The following USP15 variants were observed in gnomAD, a reference collection of about 807,000 sequenced individuals.
USP15 encodes the protein ubiquitin carboxyl-terminal hydrolase 15.
Under a neutral mutation model 127.1 loss-of-function variants are expected in USP15, and 18 were observed. The ratio of observed to expected loss-of-function variants is 0.14; its 90% CI spans 0.10 to 0.21. The LOEUF (loss-of-function observed/expected upper bound fraction) is 0.21. Ranked by LOEUF, USP15 falls within the 10% of genes least tolerant of loss-of-function variation. The pLI is 1.00. For missense variants in USP15, 805 were observed against 1,159.9 expected (o/e 0.69, Z 4.44); for synonymous variants, 364 against 393.7 (o/e 0.92, Z 0.89).
chr12:62,373,625 C>T (rs960169821), intron 8 of USP15, among the ~76,000 whole-genome samples: 11 of 151,422 alleles, frequency 7.3e-5, no homozygotes, highest in African/African-American at 9.7e-5. Context: ...TCTTCACTGA[C>T]GGGGGAAAAA....
At chr12:62,286,533 A>G (rs1387060105) in intron 1 of USP15, among the ~76,000 whole-genome samples, 1 of 152,210 alleles carries the variant, frequency 6.6e-6, no homozygotes, top group Non-Finnish European at 1.5e-5. Context: ...TAGAAAATAA[A>G]TCATTCTACC....
intron 1 of USP15, among the ~76,000 whole-genome samples, chr12:62,286,250 TACAG>T (rs1021973068): frequency 1.6e-4 from 24 of 151,954 alleles, no homozygotes; most frequent in African/African-American, 5.3e-4. Flanking sequence ...AAAGAACACA[TACAG>T]ACAGCCAGCA....
chr12:62,311,347 G>A (rs1261396157), intron 3 of USP15, among the ~76,000 whole-genome samples: 1 of 151,854 alleles, frequency 6.6e-6, no homozygotes, highest in East Asian at 1.9e-4. Flanking sequence ...AGATGTAGGA[G>A]AAGGAGTAGG....
At chr12:62,318,797 C>G (rs959630496) in intron 4 of USP15, among the ~76,000 whole-genome samples, 5 of 152,144 alleles carry the variant, frequency 3.3e-5, no homozygotes, top group African/African-American at 1.2e-4. Context: ...CTCCATAATT[C>G]CCACTTCTGC....
In USP15 at chr12:62,260,489, G is replaced by A. The variant is rs756547237; in HGVS notation, c.75G>A (p.Arg25=). Residue 25 remains arginine (R), a synonymous_variant, in exon 1 of 22, where the codon CGG becomes CGA. Coordinates refer to ENST00000280377, the MANE Select transcript of USP15 (RefSeq NM_001252078.2). ...DIATLLKTSL[R]KGDTWYLVDS... ...CGACGCTGCTCAAAACCTCGCTCCG[G>A]AAAGGGGACACCTGGTAAGAGAAAG... 6.4e-7 allele frequency: 1 copy of A among 1,551,498 alleles called. No individual in the cohort carries two copies. Among genetic ancestry groups the A allele is most frequent in the South Asian group, 1.2e-5 (1 of 84,068 alleles).
chr12:62,299,773 C>T (rs914746630), intron 2 of USP15, among the ~76,000 whole-genome samples: 1 of 152,184 alleles, frequency 6.6e-6, no homozygotes, highest in Non-Finnish European at 1.5e-5. Flanking sequence ...CATCCTTTTA[C>T]ATCATTGCTG....
In USP15 at chr12:62,294,241, A is replaced by G. The variant is rs1410450051; in HGVS notation, c.152A>G (p.Asp51Gly). The change falls in exon 2 of 22, where the codon GAC (aspartate) becomes GGC (glycine). Residue 51 changes from aspartate (D) to glycine (G), a missense_variant. By Grantham distance (94) the Asp-to-Gly change is moderately conservative (BLOSUM62 -1). Transcript: ENST00000280377. Reference protein sequence around the residue: ...WKKYVGFDSWDKYQMGDQNVY... With the variant: ...WKKYVGFDSWGKYQMGDQNVY... ...AAATATGTTGGCTTTGACAGTTGGG[A>G]CAAATACCAGATGGGAGATCAAAAT... 6.2e-7 allele frequency: 1 copy of G among 1,613,686 alleles called. No individual in the cohort carries two copies.
intron 1 of USP15, among the ~76,000 whole-genome samples, chr12:62,284,626 G>A (rs1234559000): frequency 1.3e-5 from 2 of 152,000 alleles, no homozygotes; most frequent in Admixed American, 6.6e-5. Context: ...AAAAAGCTTT[G>A]TTACCTGTAG....
At chr12:62,342,735 A>T (rs951839281) in intron 6 of USP15, among the ~76,000 whole-genome samples, 8 of 152,170 alleles carry the variant, frequency 5.3e-5, no homozygotes, top group African/African-American at 1.4e-4. Context: ...TGGAGGCTGC[A>T]GAACAGCAAA....
chr12:62,263,925 G>A (rs1387979188), intron 1 of USP15, among the ~76,000 whole-genome samples: 4 of 152,258 alleles, frequency 2.6e-5, no homozygotes, highest in Non-Finnish European at 5.9e-5. Context: ...AGTATTTTAG[G>A]AACATATTTA....
At chr12:62,309,805 A>G (rs1007992657) in intron 3 of USP15, among the ~76,000 whole-genome samples, 1 of 152,058 alleles carries the variant, frequency 6.6e-6, no homozygotes, top group East Asian at 1.9e-4. Context: ...TAGAGATACA[A>G]AGAACATTTG....
At chr12:62,322,061 T>C (rs1229136680) in intron 5 of USP15, among the ~76,000 whole-genome samples, 1 of 152,198 alleles carries the variant, frequency 6.6e-6, no homozygotes, top group Non-Finnish European at 1.5e-5. Flanking sequence ...TTTATATAAA[T>C]GTGCAGCAGG....
chr12:62,301,130 A>G (rs1405937059), intron 2 of USP15, among the ~76,000 whole-genome samples: 2 of 152,184 alleles, frequency 1.3e-5, no homozygotes, highest in South Asian at 2.1e-4. Flanking sequence ...AATGCTCAAC[A>G]TAATTCATAT....
chr12:62,340,425 G>A (rs568104794), intron 6 of USP15, among the ~76,000 whole-genome samples: 3 of 151,998 alleles, frequency 2.0e-5, no homozygotes, highest in African/African-American at 7.2e-5. Flanking sequence ...CTTGTCTTCT[G>A]CTAGCTTTTG....
At chr12:62,364,055 C>T (rs896958343) in intron 8 of USP15, among the ~76,000 whole-genome samples, 1 of 151,900 alleles carries the variant, frequency 6.6e-6, no homozygotes, top group African/African-American at 2.4e-5. Context: ...GATCAGAGGC[C>T]TAAGCTGGAA....
chr12:62,350,673 G>A (rs2137427206), intron 7 of USP15, among the ~76,000 whole-genome samples: 1 of 152,264 alleles, frequency 6.6e-6, no homozygotes, highest in Non-Finnish European at 1.5e-5. Flanking sequence ...CACCCAGGTT[G>A]AAGTACAGTG....
intron 1 of USP15, chr12:62,267,346 T>A (rs536930842): frequency 6.6e-6 from 1 of 152,238 alleles, no homozygotes; most frequent in Admixed American, 6.5e-5. Context: ...GTAGCCTCAG[T>A]TTTGGATACA....
At chr12:62,335,686 T>A in intron 6 of USP15, 1 of 985,970 alleles carries the variant, frequency 1.0e-6, no homozygotes, top group Non-Finnish European at 1.2e-6. Context: ...AACCATATAC[T>A]TCCTCCATTT....
At chr12:62,372,773 T>C (rs2066715465) in intron 8 of USP15, among the ~76,000 whole-genome samples, 1 of 152,080 alleles carries the variant, frequency 6.6e-6, no homozygotes, top group Admixed American at 6.6e-5. Context: ...CAGTTTTGAA[T>C]TATTAATGGG....
Sources: allele counts gnomAD v4.1 joint callset (sites outside exome capture counted in the v4.1 genomes callset), GRCh38; gene constraint gnomAD v4.1.1; transcripts MANE v1.5; gene names NCBI Gene and HGNC (gene_info 2026-07-23, HGNC 2026-07-21).